CNTNAP2: variants seen among roughly 807,000 people sequenced by gnomAD.
CNTNAP2 encodes contactin-associated protein-like 2.
Under a neutral mutation model 155.2 loss-of-function variants are expected in CNTNAP2, and 98 were observed. The ratio of observed to expected loss-of-function variants is 0.63; its 90% confidence interval spans 0.54 to 0.75. The LOEUF is 0.75. CNTNAP2 is among the 30% of genes least tolerant of loss of function. The probability of loss-of-function intolerance (pLI) is 0.00; values close to 1 mark genes in which losing one functional copy is unlikely to be tolerated. For synonymous variants in CNTNAP2, 651 were observed against 631.2 expected (o/e 1.03, Z -0.47); for missense variants, 1,727 against 1,688.1 (o/e 1.02, Z -0.40).
chr7:146,842,039 T>G (rs1397744465), intron 3 of CNTNAP2, among the ~76,000 whole-genome samples: 1 of 82,850 alleles, frequency 1.2e-5, no homozygotes, highest in Non-Finnish European at 2.5e-5. Context: ...TCCACCACCA[T>G]GCCTGGCTAA....
chr7:147,120,898 G>A (rs1801097317), intron 5 of CNTNAP2, 81 bp from the exon 6 acceptor site: 2 of 1,280,230 alleles, frequency 1.6e-6, no homozygotes, highest in Non-Finnish European at 2.3e-6. Flanking sequence ...GCCTCTAGGT[G>A]CTGTAAATGA....
At chr7:147,471,221 A>AT in intron 10 of CNTNAP2, among the ~76,000 whole-genome samples, 1 of 152,224 alleles carries the variant, frequency 6.6e-6, no homozygotes, top group African/African-American at 2.4e-5. Flanking sequence ...CCATAGCATC[A>AT]CCTTGCACTC....
At chr7:146,304,281 T>C (rs900000104) in intron 1 of CNTNAP2, among the ~76,000 whole-genome samples, 1 of 152,098 alleles carries the variant, frequency 6.6e-6, no homozygotes, top group African/African-American at 2.4e-5. Flanking sequence ...TTAAGGTTAA[T>C]ATTGTTATGT....
intron 13 of CNTNAP2, among the ~76,000 whole-genome samples, chr7:147,697,768 T>C (rs1202946212): frequency 1.5e-4 from 23 of 152,116 alleles, no homozygotes; most frequent in Admixed American, 1.5e-3. Context: ...TCTGGTAAAA[T>C]AGTTTCTCCT....
chr7:147,340,217 C>T (rs1429391064), intron 9 of CNTNAP2, among the ~76,000 whole-genome samples: 1 of 152,052 alleles, frequency 6.6e-6, no homozygotes, highest in African/African-American at 2.4e-5. Flanking sequence ...GGGCAGCTTC[C>T]CTTACTCCTA....
At chr7:146,740,796 G>A (rs984547715) in intron 1 of CNTNAP2, among the ~76,000 whole-genome samples, 1 of 151,328 alleles carries the variant, frequency 6.6e-6, no homozygotes, top group African/African-American at 2.5e-5. Context: ...TTGGCTGGAA[G>A]CCCACAGCCT....
chr7:148,155,064 C>G (rs1304643467), intron 17 of CNTNAP2, among the ~76,000 whole-genome samples: 1 of 152,184 alleles, frequency 6.6e-6, no homozygotes, highest in Non-Finnish European at 1.5e-5. Context: ...CCCCGGTGAA[C>G]CCCAGGGCCA....
chr7:147,217,186 T>C (rs897913547), intron 8 of CNTNAP2, among the ~76,000 whole-genome samples: 2 of 151,942 alleles, frequency 1.3e-5, no homozygotes, highest in East Asian at 1.9e-4. Flanking sequence ...CTCAGTACAA[T>C]GGCGAAAATA....
intron 13 of CNTNAP2, among the ~76,000 whole-genome samples, chr7:147,702,162 G>A (rs149033778): frequency 6.1e-5 from 9 of 147,982 alleles, no homozygotes; most frequent in Non-Finnish European, 1.0e-4. Context: ...TTCCAGTTAA[G>A]TTTGTCTTGG....
chr7:148,170,894 C>G (rs1805780133), intron 17 of CNTNAP2, among the ~76,000 whole-genome samples: 1 of 152,150 alleles, frequency 6.6e-6, no homozygotes, highest in African/African-American at 2.4e-5. Flanking sequence ...ATTCCAGTAA[C>G]CCTACTGACT....
chr7:146,731,441 TG>T (rs1801524313), intron 1 of CNTNAP2, among the ~76,000 whole-genome samples: 1 of 152,112 alleles, frequency 6.6e-6, no homozygotes, highest in Non-Finnish European at 1.5e-5. Flanking sequence ...TTTGCTTAAC[TG>T]TTTTTTATTT....
intron 1 of CNTNAP2, among the ~76,000 whole-genome samples, chr7:146,736,986 A>G (rs1466323221): frequency 2.6e-5 from 4 of 152,160 alleles, no homozygotes; most frequent in African/African-American, 9.6e-5. Flanking sequence ...GGGAGCTTTT[A>G]GCCGTAAGTT....
chr7:146,646,343 C>T (rs1386590243), intron 1 of CNTNAP2, among the ~76,000 whole-genome samples: 1 of 152,052 alleles, frequency 6.6e-6, no homozygotes, highest in Admixed American at 6.6e-5. Context: ...TGCACGTGCA[C>T]ATGTGTATTT....
At position 146,613,657 on chromosome 7, in the gene CNTNAP2, T is replaced by G. The variant is rs1799176888; in HGVS notation, c.98-160614T>G. ...ATAGGTAGGATGTTGGACATATTTT[T>G]TAAATTAACGATTCCAGTGTGAAGT... On this transcript the variant is annotated intron_variant, in intron 1 of 23. Coordinates refer to ENST00000361727, the MANE Select transcript of CNTNAP2 (RefSeq NM_014141.6). Among the ~76,000 whole-genome samples, 8 of 152,314 alleles carry G rather than the reference T, an allele frequency of 5.3e-5. 1 individual carries two copies. The South Asian group carries it at 1.7e-3, about 32-fold the overall frequency.
intron 6 of CNTNAP2, among the ~76,000 whole-genome samples, chr7:147,127,183 T>A (rs1212730009): frequency 6.6e-6 from 1 of 152,204 alleles, no homozygotes; most frequent in Non-Finnish European, 1.5e-5. Flanking sequence ...AATATGTTCA[T>A]TTCAGTGCAA....
chr7:146,314,924 G>A (rs1446042642), intron 1 of CNTNAP2, among the ~76,000 whole-genome samples: 1 of 152,176 alleles, frequency 6.6e-6, no homozygotes, highest in African/African-American at 2.4e-5. Context: ...TATCTCTAGA[G>A]CAAGCTGAGG....
At chr7:148,128,792 C>G (rs1431947257) in intron 16 of CNTNAP2, among the ~76,000 whole-genome samples, 1 of 152,168 alleles carries the variant, frequency 6.6e-6, no homozygotes, top group East Asian at 1.9e-4. Context: ...GCTGGCCAGA[C>G]AGAGTGACAT....
intron 1 of CNTNAP2, among the ~76,000 whole-genome samples, chr7:146,134,542 T>C (rs1278403142): frequency 1.3e-5 from 2 of 151,326 alleles, no homozygotes; most frequent in Non-Finnish European, 3.0e-5. Context: ...ATATTGGCTG[T>C]GGGTTTGTCA....
chr7:147,251,774 G>C (rs868368878), intron 8 of CNTNAP2, among the ~76,000 whole-genome samples: 6 of 152,278 alleles, frequency 3.9e-5, no homozygotes, highest in Middle Eastern at 3.4e-3. Context: ...AACCTACTGT[G>C]AACAGAAAAA....
Sources: allele counts gnomAD v4.1 joint callset (sites outside exome capture counted in the v4.1 genomes callset), GRCh38; gene constraint gnomAD v4.1.1; transcripts MANE v1.5; gene names NCBI Gene and HGNC (gene_info 2026-07-23, HGNC 2026-07-21).